The following EEIG2 variants were observed in gnomAD, a reference collection of about 807,000 sequenced individuals.
The protein encoded by EEIG2 is family with sequence similarity 102 member B.
At chr1:108,569,243 A>G in the EEIG2 span, among the ~76,000 whole-genome samples, 1 of 152,252 alleles carries the variant, frequency 6.6e-6, no homozygotes, top group Non-Finnish European at 1.5e-5. Flanking sequence ...CTACCTCAGT[A>G]CTACTAACAG....
chr1:108,595,766 G>A, the EEIG2 span, among the ~76,000 whole-genome samples: 1 of 151,714 alleles, frequency 6.6e-6, no homozygotes, highest in South Asian at 2.1e-4. Flanking sequence ...GAGGGAGAGA[G>A]GAAGGGAGGG....
At chr1:108,561,223 G>A in the EEIG2 span, among the ~76,000 whole-genome samples, 14 of 152,334 alleles carry the variant, frequency 9.2e-5, no homozygotes, top group African/African-American at 3.4e-4. Flanking sequence ...GAGCCCCTGG[G>A]CACTCCCAGA....
chr1:108,634,043 T>C, the EEIG2 span, among the ~76,000 whole-genome samples: 26 of 152,342 alleles, frequency 1.7e-4, no homozygotes, highest in Middle Eastern at 0.01. Flanking sequence ...CTGCACTGCC[T>C]GTTGTCTAGT....
chr1:108,625,478 T>G, the EEIG2 span: 3 of 152,222 alleles, frequency 2.0e-5, no homozygotes, highest in African/African-American at 7.2e-5. Flanking sequence ...TTTCACTGCC[T>G]TTTAAAATAT....
chr1:108,615,358 ATGT>A, the EEIG2 span, among the ~76,000 whole-genome samples: 6 of 152,182 alleles, frequency 3.9e-5, no homozygotes, highest in South Asian at 2.1e-4. Flanking sequence ...ATTGTTGTTA[ATGT>A]TGTTGTTACT....
chr1:108,605,645 A>G, the EEIG2 span, among the ~76,000 whole-genome samples: 1 of 152,320 alleles, frequency 6.6e-6, no homozygotes, highest in East Asian at 1.9e-4. Flanking sequence ...TGTGAAAACA[A>G]ATCTAAAGAT....
chr1:108,585,611 A>G, the EEIG2 span, among the ~76,000 whole-genome samples: 1 of 152,072 alleles, frequency 6.6e-6, no homozygotes, highest in Non-Finnish European at 1.5e-5. Context: ...TCCTTTTACC[A>G]ATGCATATGA....
chr1:108,561,784 A>C, the EEIG2 span, among the ~76,000 whole-genome samples: 1 of 152,250 alleles, frequency 6.6e-6, no homozygotes, highest in African/African-American at 2.4e-5. Flanking sequence ...ATATTGGACC[A>C]TCTCTTACTT....
the EEIG2 span, among the ~76,000 whole-genome samples, chr1:108,631,957 T>TA: frequency 6.6e-6 from 1 of 151,290 alleles, no homozygotes; most frequent in South Asian, 2.1e-4. Context: ...GTACTAAAAA[T>TA]AAAAAAATTA....
the EEIG2 span, among the ~76,000 whole-genome samples, chr1:108,608,130 C>A: frequency 6.6e-6 from 1 of 152,204 alleles, no homozygotes; most frequent in South Asian, 2.1e-4. Flanking sequence ...ACACATACCA[C>A]CCTCACAAAC....
the EEIG2 span, among the ~76,000 whole-genome samples, chr1:108,589,421 C>A: frequency 1.3e-5 from 2 of 152,146 alleles, no homozygotes; most frequent in African/African-American, 2.4e-5. Flanking sequence ...TCATAGTAAT[C>A]CGGCTTCCAT....
At chr1:108,634,490 C>A in the EEIG2 span, among the ~76,000 whole-genome samples, 1 of 152,140 alleles carries the variant, frequency 6.6e-6, no homozygotes, top group African/African-American at 2.4e-5. Context: ...GTAGGGTATA[C>A]CCTAACATCT....
chr1:108,606,152 T>C, the EEIG2 span: 1 of 970,914 alleles, frequency 1.0e-6, no homozygotes, highest in Non-Finnish European at 1.5e-6. Flanking sequence ...TGCTTCAGAA[T>C]TATTTGACAT....
At chr1:108,593,179 A>T in the EEIG2 span, among the ~76,000 whole-genome samples, 1 of 152,122 alleles carries the variant, frequency 6.6e-6, no homozygotes, top group Admixed American at 6.5e-5. Context: ...AAATAAATAC[A>T]TAAATAAAAG....
At chr1:108,572,710 G>A in the EEIG2 span, among the ~76,000 whole-genome samples, 1 of 152,118 alleles carries the variant, frequency 6.6e-6, no homozygotes, top group Non-Finnish European at 1.5e-5. Context: ...CCACCTCCCA[G>A]GTTCAAGCAA....
At chr1:108,601,108 A>G in the EEIG2 span, among the ~76,000 whole-genome samples, 2 of 152,158 alleles carry the variant, frequency 1.3e-5, no homozygotes, top group Admixed American at 6.5e-5. Flanking sequence ...CCAAATTTAC[A>G]TAGTTAATAA....
chr1:108,627,985 T>C, the EEIG2 span: 1 of 569,700 alleles, frequency 1.8e-6, no homozygotes, highest in East Asian at 2.8e-5. Flanking sequence ...GGTATTTAAA[T>C]ACTTTGTATA....
At chr1:108,585,164 T>C in the EEIG2 span, among the ~76,000 whole-genome samples, 1 of 152,168 alleles carries the variant, frequency 6.6e-6, no homozygotes, top group Non-Finnish European at 1.5e-5. Context: ...AACTCAGTAA[T>C]AACTGCAATA....
the EEIG2 span, among the ~76,000 whole-genome samples, chr1:108,565,732 G>A: frequency 6.6e-6 from 1 of 152,108 alleles, no homozygotes. Flanking sequence ...CTATGTATTG[G>A]ACCTTTTACT....
Sources: gnomAD v4.1 joint callset for allele counts (sites outside exome capture counted in the v4.1 genomes callset) on GRCh38, gnomAD v4.1.1 for gene constraint, MANE v1.5 for transcripts, NCBI Gene and HGNC (gene_info 2026-07-23, HGNC 2026-07-21) for gene names.